SPMIP2: variants seen among roughly 807,000 people sequenced by gnomAD.
SPMIP2 encodes sperm microtubule inner protein 2, also known as protein SPMIP2.
chr4:159,069,196 G>A, the SPMIP2 span, among the ~76,000 whole-genome samples: 2 of 151,956 alleles, frequency 1.3e-5, no homozygotes, highest in African/African-American at 2.4e-5. Flanking sequence ...TCAGCTACTC[G>A]GGAGGCTGAG....
At chr4:158,939,434 T>C in the SPMIP2 span, among the ~76,000 whole-genome samples, 1 of 152,054 alleles carries the variant, frequency 6.6e-6, no homozygotes, top group African/African-American at 2.4e-5. Flanking sequence ...TATCTTTTGA[T>C]ATGACTCTCG....
chr4:158,923,835 T>G, the SPMIP2 span, among the ~76,000 whole-genome samples: 1 of 152,320 alleles, frequency 6.6e-6, no homozygotes, highest in African/African-American at 2.4e-5. Context: ...AAATATTATA[T>G]TCTCTGTGGT....
chr4:158,932,471 AACATACAT>A, the SPMIP2 span, among the ~76,000 whole-genome samples: 1 of 152,212 alleles, frequency 6.6e-6, no homozygotes, highest in East Asian at 1.9e-4. Context: ...TCTGTGTCAA[AACATACAT>A]ACATACATAC....
chr4:158,954,031 T>C, the SPMIP2 span, among the ~76,000 whole-genome samples: 2 of 152,154 alleles, frequency 1.3e-5, no homozygotes, highest in African/African-American at 4.8e-5. Flanking sequence ...TTTTGGGTAA[T>C]GATGAAATGA....
At chr4:159,053,704 G>A in the SPMIP2 span, among the ~76,000 whole-genome samples, 3 of 152,056 alleles carry the variant, frequency 2.0e-5, no homozygotes, top group Non-Finnish European at 4.4e-5. Context: ...TATAAGGTTG[G>A]CAGAGATTTC....
At chr4:158,955,720 C>A in the SPMIP2 span, among the ~76,000 whole-genome samples, 1 of 152,110 alleles carries the variant, frequency 6.6e-6, no homozygotes, top group Non-Finnish European at 1.5e-5. Flanking sequence ...CCACTGCATG[C>A]GGCCATTAGT....
the SPMIP2 span, among the ~76,000 whole-genome samples, chr4:159,057,594 T>G: frequency 6.6e-6 from 1 of 152,168 alleles, no homozygotes; most frequent in South Asian, 2.1e-4. Context: ...TTTTGAAAAT[T>G]TTTATAAAGA....
At chr4:158,896,643 C>G in the SPMIP2 span, among the ~76,000 whole-genome samples, 1 of 152,164 alleles carries the variant, frequency 6.6e-6, no homozygotes, top group Non-Finnish European at 1.5e-5. Flanking sequence ...CTTTCACACC[C>G]AGAATGTGAC....
the SPMIP2 span, among the ~76,000 whole-genome samples, chr4:159,009,536 T>C: frequency 6.6e-6 from 1 of 152,242 alleles, no homozygotes; most frequent in Non-Finnish European, 1.5e-5. Context: ...CATCTAATTA[T>C]GGACTCTGAA....
the SPMIP2 span, among the ~76,000 whole-genome samples, chr4:158,990,822 T>C: frequency 2.6e-5 from 4 of 152,066 alleles, no homozygotes; most frequent in Admixed American, 6.6e-5. Flanking sequence ...CACCATGTCA[T>C]GTGTAAGCAA....
At chr4:158,905,414 A>G in the SPMIP2 span, 1 of 152,198 alleles carries the variant, frequency 6.6e-6, no homozygotes, top group Non-Finnish European at 1.5e-5. Flanking sequence ...TCGGTTGGTA[A>G]GTTCTTCCAG....
At chr4:159,044,561 AG>A in the SPMIP2 span, among the ~76,000 whole-genome samples, 1 of 151,732 alleles carries the variant, frequency 6.6e-6, no homozygotes, top group Non-Finnish European at 1.5e-5. Flanking sequence ...TGAATTTGGG[AG>A]CTTTGGAACT....
the SPMIP2 span, among the ~76,000 whole-genome samples, chr4:159,072,625 T>C: frequency 1.4e-3 from 216 of 151,732 alleles, 3 homozygotes; most frequent in Non-Finnish European, 1.7e-3. Flanking sequence ...ACCATGCCTA[T>C]ATAATTTTTG....
chr4:159,044,160 T>A, the SPMIP2 span, among the ~76,000 whole-genome samples: 1 of 152,116 alleles, frequency 6.6e-6, no homozygotes, highest in Non-Finnish European at 1.5e-5. Flanking sequence ...ATAACATTTT[T>A]AAAATGTTAT....
the SPMIP2 span, among the ~76,000 whole-genome samples, chr4:158,927,792 C>G: frequency 6.6e-6 from 1 of 152,254 alleles, no homozygotes; most frequent in Non-Finnish European, 1.5e-5. Context: ...GCCCCGCACT[C>G]GGAGCAGCCG....
chr4:159,028,991 A>G, the SPMIP2 span, among the ~76,000 whole-genome samples: 1 of 152,160 alleles, frequency 6.6e-6, no homozygotes, highest in South Asian at 2.1e-4. Flanking sequence ...GCTACTCGAG[A>G]GGCTAAGGCA....
chr4:159,009,668 G>A, the SPMIP2 span, among the ~76,000 whole-genome samples: 3 of 152,110 alleles, frequency 2.0e-5, no homozygotes, highest in African/African-American at 7.2e-5. Context: ...GCTCTCATAA[G>A]GGTTAGTTAA....
the SPMIP2 span, among the ~76,000 whole-genome samples, chr4:159,017,104 A>ATTTCTCCT: frequency 2.6e-5 from 4 of 152,184 alleles, no homozygotes; most frequent in African/African-American, 9.7e-5. Context: ...GTAGTAGTAG[A>ATTTCTCCT]GAAATGTTAG....
At chr4:159,056,794 T>C in the SPMIP2 span, among the ~76,000 whole-genome samples, 3 of 152,216 alleles carry the variant, frequency 2.0e-5, no homozygotes, top group African/African-American at 7.2e-5. Context: ...TGGGGATCCA[T>C]GGGCTGGAGT....
Sources: allele counts gnomAD v4.1 joint callset (sites outside exome capture counted in the v4.1 genomes callset), GRCh38; gene constraint gnomAD v4.1.1; transcripts MANE v1.5; gene names NCBI Gene and HGNC (gene_info 2026-07-23, HGNC 2026-07-21).